The following SDR42E1 variants were observed in gnomAD, a reference collection of about 807,000 sequenced individuals.
The protein encoded by SDR42E1 is short chain dehydrogenase/reductase family 42E, member 1, also known as short-chain dehydrogenase/reductase family 42E member 1.
Under a neutral mutation model 2.6 loss-of-function variants are expected in SDR42E1, and 5 were observed. That is an observed-to-expected ratio of 1.94 (90% CI 1.01 to 4.08). The LOEUF (loss-of-function observed/expected upper bound fraction) is 4.08. SDR42E1 is among the 30% of genes most tolerant of loss of function. The pLI is 0.00. For missense variants in SDR42E1, 596 were observed against 478.6 expected, an observed-to-expected ratio of 1.25 and a Z score of -2.29; for synonymous variants, 231 against 188.3, an observed-to-expected ratio of 1.23 and a Z score of -1.86.
chr16:82,000,091 A>G lies in SDR42E1; in HGVS notation c.202T>C (p.Phe68Leu), dbSNP rs1321193025. The change falls in exon 3 of 3, where the codon TTC becomes CTC. Residue 68 changes from phenylalanine to leucine, a missense_variant. Transcript: ENST00000328945. ...ACACAAGTGACGTCTGCATCCTGGA[A>G]GGCTTTCTCTACGTCAGACAGGTGG... ...IRHLSDVEKA[F>L]QDADVTCVFH... 1 of 1,614,100 alleles carries G rather than the reference A, an allele frequency of 6.2e-7. No individual in the cohort carries two copies. Among genetic ancestry groups the G allele is most frequent in the African/African-American group, 1.3e-5 (1 of 74,934 alleles).
intron 1 of SDR42E1, among the ~76,000 whole-genome samples, chr16:82,004,202 G>A (rs561293700): frequency 6.6e-6 from 1 of 152,348 alleles, no homozygotes; most frequent in Admixed American, 6.5e-5. Context: ...AAACCAAGGT[G>A]AGGGGTGGGG....
rs185610918 is a variant in SDR42E1, at chr16:82,002,142, G to A, written c.-26-1258C>T. 2.6e-5 allele frequency among the ~76,000 whole-genome samples: 4 copies of A among 152,290 alleles called. No homozygotes were observed. The East Asian group carries it at 7.7e-4, about 29-fold the overall frequency. On this transcript the variant is annotated intron_variant, in intron 1 of 2. Coordinates refer to ENST00000328945, the MANE Select transcript of SDR42E1 (RefSeq NM_145168.3). ...CAAAAGTAGACTTCAACATGGAAGA[G>A]TGTGGAGACAGGAGGGAAGCGGGAG...
rs763632032 is a variant in SDR42E1 at position 81,999,622 on chromosome 16, T to A, written c.671A>T (p.His224Leu). Reference protein sequence around the residue: ...GDPRSLVEFVHVDNLVQAHIL... With the variant: ...GDPRSLVEFVLVDNLVQAHIL... ...GTGAGCCTGCACCAAGTTATCCACG[T>A]GGACAAACTCAACCAGGCTCCTGGG... The change falls in exon 3 of 3, where the codon CAC (histidine) becomes CTC (leucine). Residue 224 changes from histidine to leucine, a missense_variant. By Grantham distance (99) the His-to-Leu change is moderately conservative (BLOSUM62 -3). Coordinates refer to ENST00000328945, the MANE Select transcript of SDR42E1 (RefSeq NM_145168.3). 1.2e-6 allele frequency: 2 copies of A among 1,614,156 alleles called. No homozygotes were observed. The highest frequency in any genetic ancestry group is 1.7e-6 in the Non-Finnish European group (2 of 1,180,032).
Position 81,999,803 on chromosome 16 carries a change from G to A in SDR42E1, c.490C>T (p.Leu164=). 6.2e-7 allele frequency: 1 copy of A among 1,614,204 alleles called. No individual in the cohort carries two copies. Among genetic ancestry groups the A allele is most frequent in the Admixed American group, 1.7e-5 (1 of 60,028 alleles). The stretch of plus-strand genomic sequence containing the variant: ...TCCAGGGGTGTAGCATTCGCCTCCA[G>A]CACCTTCTGCTCTGCAATTGACTTT... ...RTKSIAEQKV[L]EANATPLDRG... The change falls in exon 3 of 3, where the codon CTG becomes TTG. Residue 164 remains leucine (L), a synonymous_variant. Coordinates refer to ENST00000328945, the MANE Select transcript of SDR42E1 (RefSeq NM_145168.3).
intron 1 of SDR42E1, chr16:82,007,881 C>T (rs985399608): frequency 3.9e-4 from 59 of 152,140 alleles, no homozygotes; most frequent in African/African-American, 1.4e-3. Flanking sequence ...AAAATAAAAA[C>T]AGCAACAACC....
intron 1 of SDR42E1, among the ~76,000 whole-genome samples, chr16:82,004,240 A>G (rs776487543): frequency 2.0e-5 from 3 of 152,122 alleles, no homozygotes; most frequent in Non-Finnish European, 4.4e-5. Flanking sequence ...GCACATCAGG[A>G]AGAGATCATG....
At chr16:82,011,207 G>T (rs955560710) in intron 1 of SDR42E1, among the ~76,000 whole-genome samples, 180 bp downstream of exon 1, 3 of 152,164 alleles carry the variant, frequency 2.0e-5, no homozygotes, top group African/African-American at 7.2e-5. Flanking sequence ...GCCAAGCTGC[G>T]CCCGGTCCCC....
rs1254943891 is a variant in SDR42E1 at position 81,995,117 on chromosome 16, G to C, written c.*3994C>G. 2 of 152,082 alleles carry C rather than the reference G, an allele frequency of 1.3e-5. No individual in the cohort carries two copies. Among genetic ancestry groups the C allele is most frequent in the Non-Finnish European group, 2.9e-5 (2 of 68,042 alleles). 9.4% of individuals were successfully genotyped at this position (152,082 alleles called of 1,614,324 possible). A position where few individuals can be genotyped will look rare whatever the true frequency, so the allele number is the denominator to read the frequency against. On this transcript the variant is annotated 3_prime_UTR_variant, in exon 3 of 3. Transcript: ENST00000328945. The stretch of plus-strand genomic sequence containing the variant: ...GGAGCAGTTTGGGCATTACCTTTAG[G>C]TTCCAATACAGGGCTCCTTGTTGCT...
rs767248528 is a variant in SDR42E1, at chr16:82,000,105, TCAGA to T, written c.184_187del (p.Ser62ThrfsTer2). ...TGCATCCTGGAAGGCTTTCTCTACGTCAGACAGGTGGCGGATGTCTCCTTGTATA... is the reference window on the plus strand; with the variant it reads ...TGCATCCTGGAAGGCTTTCTCTACGTCAGGTGGCGGATGTCTCCTTGTATA... On this transcript the variant is annotated frameshift_variant, in exon 3 of 3. Coordinates refer to ENST00000328945, the MANE Select transcript of SDR42E1 (RefSeq NM_145168.3). LOFTEE classifies it low-confidence loss of function (END_TRUNC). 13 of 1,614,234 alleles carry T rather than the reference TCAGA, an allele frequency of 8.1e-6. No homozygotes were observed. Among genetic ancestry groups the T allele is most frequent in the Non-Finnish European group, 1.1e-5 (13 of 1,180,042 alleles).
Position 81,997,954 on chromosome 16 carries a change from A to T in SDR42E1, c.*1157T>A, listed in dbSNP as rs1419652542. The T allele has an allele frequency of 6.6e-6, 1 of 152,256 alleles. No homozygotes were observed. 9.4% of individuals were successfully genotyped at this position (152,256 alleles called of 1,614,324 possible). A position where few individuals can be genotyped will look rare whatever the true frequency, so the allele number is the denominator to read the frequency against. ...AAGACTAACTCTAGCAGAACTTTCC[A>T]CAGTAATGTATCCCCCTTGTAATGT... On this transcript the variant is annotated 3_prime_UTR_variant, in exon 3 of 3. Transcript: ENST00000328945.
chr16:82,009,952 T>C (rs1913072324), intron 1 of SDR42E1, among the ~76,000 whole-genome samples: 2 of 152,238 alleles, frequency 1.3e-5, no homozygotes, highest in African/African-American at 2.4e-5. Context: ...GTTCTCTTGA[T>C]AGTGAATAAG....
intron 1 of SDR42E1, among the ~76,000 whole-genome samples, chr16:82,001,988 A>G (rs1912782454): frequency 6.6e-6 from 1 of 151,122 alleles, no homozygotes; most frequent in South Asian, 2.1e-4. Flanking sequence ...ACACACACAC[A>G]CACATATACC....
intron 1 of SDR42E1, among the ~76,000 whole-genome samples, chr16:82,006,767 C>A (rs138367869): frequency 6.6e-6 from 1 of 152,110 alleles, no homozygotes; most frequent in Non-Finnish European, 1.5e-5. Context: ...ATACTCCAGT[C>A]TAGGCGACAG....
intron 1 of SDR42E1, among the ~76,000 whole-genome samples, chr16:82,003,663 T>C (rs2143857243): frequency 6.6e-6 from 1 of 152,370 alleles, no homozygotes; most frequent in Non-Finnish European, 1.5e-5. Context: ...TCAGAGAGAC[T>C]TCTCTGATCA....
Position 81,999,821 on chromosome 16 carries a change from T to A in SDR42E1, c.472A>T (p.Ile158Phe). The change falls in exon 3 of 3, where the codon ATT (isoleucine) becomes TTT (phenylalanine). Residue 158 changes from isoleucine (I) to phenylalanine (F), a missense_variant. Ile to Phe is a conservative substitution (Grantham distance 21, BLOSUM62 0). Coordinates refer to ENST00000328945, the MANE Select transcript of SDR42E1 (RefSeq NM_145168.3). ...GCCTCCAGCACCTTCTGCTCTGCAA[T>A]TGACTTTGTCCGAGAGTAGTGATCA... is the stretch of plus-strand genomic sequence containing the variant. ...HPDHYSRTKS[I>F]AEQKVLEANA... 6.2e-7 allele frequency: 1 copy of A among 1,614,200 alleles called. No individual in the cohort carries two copies. The highest frequency in any genetic ancestry group is 1.1e-5 in the South Asian group (1 of 91,078).
intron 1 of SDR42E1, among the ~76,000 whole-genome samples, chr16:82,004,692 C>T (rs745691472): frequency 3.3e-5 from 5 of 152,204 alleles, no homozygotes; most frequent in African/African-American, 1.2e-4. Flanking sequence ...GCAGACAACA[C>T]AAGCCTTTGT....
At chr16:82,001,252 G>T (rs922050587) in intron 1 of SDR42E1, among the ~76,000 whole-genome samples, 3 of 152,108 alleles carry the variant, frequency 2.0e-5, no homozygotes, top group African/African-American at 7.2e-5. Context: ...AATTTGGTAG[G>T]AAGAGGCATT....
Position 82,004,324 on chromosome 16 carries a change from G to A in SDR42E1, c.-26-3440C>T, listed in dbSNP as rs73600718. ...CTGAAAGGAGGGTTATCACAGGTGG[G>A]GGTGCACCACGAATAAATGGATCAC... On this transcript the variant is annotated intron_variant, in intron 1 of 2. Transcript: ENST00000328945. 1.9e-3 allele frequency among the ~76,000 whole-genome samples: 282 copies of A among 152,128 alleles called. 2 individuals carry two copies. The highest frequency in any genetic ancestry group is 6.4e-3 in the African/African-American group (266 of 41,460).
chr16:82,002,434 A>G (rs963354853), intron 1 of SDR42E1, among the ~76,000 whole-genome samples: 1 of 152,212 alleles, frequency 6.6e-6, no homozygotes, highest in Admixed American at 6.5e-5. Flanking sequence ...AGTGGAAATA[A>G]TAACAACAAA....
Sources: gnomAD v4.1 joint callset for allele counts (sites outside exome capture counted in the v4.1 genomes callset) on GRCh38, gnomAD v4.1.1 for gene constraint, MANE v1.5 for transcripts, NCBI Gene and HGNC (gene_info 2026-07-23, HGNC 2026-07-21) for gene names.